The following FAM91A1 variants were observed in gnomAD, a reference collection of about 807,000 sequenced individuals.
The protein encoded by FAM91A1 is protein FAM91A1.
In FAM91A1, 41 loss-of-function variants were observed where a neutral mutation model predicts 113.5. That is an observed-to-expected ratio of 0.36 (90% confidence interval 0.28 to 0.47). FAM91A1 has a LOEUF of 0.47. Ranked by LOEUF, FAM91A1 falls within the 20% of genes least tolerant of loss-of-function variation. FAM91A1 has a pLI of 1.00. For synonymous variants in FAM91A1, 307 were observed against 347.9 expected, an observed-to-expected ratio of 0.88 and a Z score of 1.31; for missense variants, 696 against 1,001.2, an observed-to-expected ratio of 0.70 and a Z score of 4.11.
intron 11 of FAM91A1, chr8:123,786,067 C>T: frequency 2.9e-6 from 1 of 348,230 alleles, no homozygotes; most frequent in South Asian, 2.4e-5. Context: ...GATCCACCCA[C>T]CTTGGCCTTC....
chr8:123,797,485 T>C (rs573277829), intron 15 of FAM91A1, among the ~76,000 whole-genome samples: 4 of 152,264 alleles, frequency 2.6e-5, no homozygotes, highest in African/African-American at 9.6e-5. Context: ...TTCCTCTTCC[T>C]CCTCCTCTTC....
chr8:123,768,590 T>G lies in FAM91A1; in HGVS notation c.-113T>G. The G allele has an allele frequency of 2.2e-6, 2 of 916,178 alleles. No individual in the cohort carries two copies. Among genetic ancestry groups the G allele is most frequent in the Non-Finnish European group, 3.2e-6 (2 of 622,612 alleles). 56.8% of individuals were successfully genotyped at this position (916,178 alleles called of 1,614,324 possible). A position where few individuals can be genotyped will look rare whatever the true frequency, so the allele number is the denominator to read the frequency against. On this transcript the variant is annotated 5_prime_UTR_variant, in exon 1 of 24. Transcript: ENST00000334705. ...ATGGGGCAGCCTGGGCCTTCTGCAG[T>G]GTGAGGCGCGGGGCCTCCCGCGTCG... is the stretch of plus-strand genomic sequence containing the variant.
At chr8:123,807,480 CA>C (rs546080328) in intron 20 of FAM91A1, among the ~76,000 whole-genome samples, 59 of 58,942 alleles carry the variant, frequency 1.0e-3, no homozygotes, top group South Asian at 2.9e-3. Context: ...CCTGTCTCTA[CA>C]AAAAAAAAAA....
At chr8:123,787,593 T>C in intron 13 of FAM91A1, 71 bp from the exon 14 acceptor site, 1 of 1,260,980 alleles carries the variant, frequency 7.9e-7, no homozygotes, top group African/African-American at 1.5e-5. Flanking sequence ...AAGGATAATA[T>C]AAATATTTGA....
rs561425317 is a variant in FAM91A1, at chr8:123,780,658, C to T, written c.703+116C>T. 17 of 768,614 alleles carry T rather than the reference C, an allele frequency of 2.2e-5. No individual in the cohort carries two copies. In the Admixed American group the frequency reaches 4.2e-4, roughly 19 times the overall value. 47.6% of individuals were successfully genotyped at this position (768,614 alleles called of 1,614,324 possible). A position where few individuals can be genotyped will look rare whatever the true frequency, so the allele number is the denominator to read the frequency against. Reference sequence around the variant, plus strand: ...GGATATTTCAAGAAAAATATTGCTTCGTTATTACATTTTAACATAGTACAT... The same window carrying T: ...GGATATTTCAAGAAAAATATTGCTTTGTTATTACATTTTAACATAGTACAT... On this transcript the variant is annotated intron_variant, in intron 8 of 23. Coordinates refer to ENST00000334705, the MANE Select transcript of FAM91A1 (RefSeq NM_144963.4).
At chr8:123,792,462 A>AT (rs1175832815) in intron 15 of FAM91A1, among the ~76,000 whole-genome samples, 2 of 151,950 alleles carry the variant, frequency 1.3e-5, no homozygotes, top group Non-Finnish European at 2.9e-5. Flanking sequence ...TCTAAGCATG[A>AT]TTTTTTTCCC....
Position 123,785,719 on chromosome 8 carries a change from G to A in FAM91A1, c.940G>A (p.Val314Ile). 6.2e-7 allele frequency: 1 copy of A among 1,606,880 alleles called. No individual in the cohort carries two copies. Among genetic ancestry groups the A allele is most frequent in the Non-Finnish European group, 8.5e-7 (1 of 1,177,198 alleles). ...LDQLHSSWKN[V>I]PSVNRLKSTL... ...TCAACTTCATTCATCATGGAAGAAT[G>A]TTCCATCCGTAAACAGATTAAAGTA... The change falls in exon 11 of 24, where the codon GTT (valine) becomes ATT (isoleucine). Residue 314 changes from valine to isoleucine, a missense_variant. Physicochemically the swap from Val to Ile is conservative, Grantham distance 29. Transcript: ENST00000334705.
rs977145400 is a variant in FAM91A1 at position 123,784,639 on chromosome 8, A to C, written c.810+63A>C. 16 of 1,205,598 alleles carry C rather than the reference A, an allele frequency of 1.3e-5. No homozygotes were observed. The African/African-American group carries it at 2.3e-4, about 17-fold the overall frequency. 74.7% of individuals were successfully genotyped at this position (1,205,598 alleles called of 1,614,324 possible). On this transcript the variant is annotated intron_variant, in intron 9 of 23. Coordinates refer to ENST00000334705, the MANE Select transcript of FAM91A1 (RefSeq NM_144963.4). ...GATTGTAAGTTTGTGTAAAGTAAGT[A>C]AAGTTATTTAATATGGTAGTATCTT...
intron 19 of FAM91A1, among the ~76,000 whole-genome samples, chr8:123,805,615 T>C (rs2130151480): frequency 6.6e-6 from 1 of 152,314 alleles, no homozygotes; most frequent in South Asian, 2.1e-4. Context: ...GGAAGACTTT[T>C]CTCTGTTTCT....
At chr8:123,799,002 A>G (rs2130130630) in intron 16 of FAM91A1, among the ~76,000 whole-genome samples, 1 of 152,234 alleles carries the variant, frequency 6.6e-6, no homozygotes, top group East Asian at 1.9e-4. Flanking sequence ...CTTTAACACA[A>G]CCTCCAGACA....
chr8:123,779,962 T>A, intron 6 of FAM91A1, 23 bp from the exon 7 acceptor site: 1 of 1,602,268 alleles, frequency 6.2e-7, no homozygotes, highest in Non-Finnish European at 8.5e-7. Context: ...AGAACTTAAT[T>A]AAAAATATTT....
intron 15 of FAM91A1, among the ~76,000 whole-genome samples, chr8:123,791,371 T>G (rs1244171679): frequency 6.6e-6 from 1 of 152,018 alleles, no homozygotes; most frequent in Non-Finnish European, 1.5e-5. Context: ...CCCATAAACA[T>G]TTGTTGCTTA....
Position 123,814,726 on chromosome 8 carries a change from T to C in FAM91A1, c.*2022T>C, listed in dbSNP as rs1247856416. The stretch of plus-strand genomic sequence containing the variant: ...CTCTTAAGGAGGGAGAGTGCATTTT[T>C]AGAGCTTTTAGCAAAATGTGAAAAG... On this transcript the variant is annotated 3_prime_UTR_variant, in exon 24 of 24. Coordinates refer to ENST00000334705, the MANE Select transcript of FAM91A1 (RefSeq NM_144963.4). 1.3e-5 allele frequency: 2 copies of C among 152,646 alleles called. No individual in the cohort carries two copies. Among genetic ancestry groups the C allele is most frequent in the African/African-American group, 4.8e-5 (2 of 41,456 alleles). 9.5% of individuals were successfully genotyped at this position (152,646 alleles called of 1,614,324 possible).
intron 8 of FAM91A1, among the ~76,000 whole-genome samples, chr8:123,781,685 A>G (rs1815127003): frequency 6.6e-6 from 1 of 152,030 alleles, no homozygotes; most frequent in Admixed American, 6.6e-5. Context: ...GGGTTTCACC[A>G]TTTTGGCCAG....
intron 15 of FAM91A1, among the ~76,000 whole-genome samples, chr8:123,792,470 C>T (rs1195834551): frequency 6.6e-6 from 1 of 151,922 alleles, no homozygotes; most frequent in African/African-American, 2.4e-5. Flanking sequence ...TGATTTTTTT[C>T]CCCCAGGTAT....
At chr8:123,805,912 C>T (rs1028092240) in intron 19 of FAM91A1, among the ~76,000 whole-genome samples, 168 bp from the exon 20 acceptor site, 6 of 152,112 alleles carry the variant, frequency 3.9e-5, no homozygotes, top group Admixed American at 3.3e-4. Flanking sequence ...ACATTGTTAG[C>T]TTTAGTTTCA....
chr8:123,775,410 A>G (rs759264186), intron 3 of FAM91A1, 112 bp downstream of exon 3: 230 of 1,282,170 alleles, frequency 1.8e-4, no homozygotes, highest in Middle Eastern at 7.7e-4. Context: ...ACACTCTTTC[A>G]GAACTTATAG....
chr8:123,779,930 T>C (rs754423399), intron 6 of FAM91A1, 55 bp from the exon 7 acceptor site: 35 of 1,447,826 alleles, frequency 2.4e-5, no homozygotes, highest in Non-Finnish European at 3.3e-5. Flanking sequence ...TTCAGGAGAC[T>C]TGTGAATTAG....
At chr8:123,810,805 T>C (rs117257523) in intron 23 of FAM91A1, 3 of 175,048 alleles carry the variant, frequency 1.7e-5, no homozygotes, top group Non-Finnish European at 3.6e-5. Flanking sequence ...AAATAGAATA[T>C]TTCTGTTCAG....
Sources: gnomAD v4.1 joint callset for allele counts (sites outside exome capture counted in the v4.1 genomes callset) on GRCh38, gnomAD v4.1.1 for gene constraint, MANE v1.5 for transcripts, NCBI Gene and HGNC (gene_info 2026-07-23, HGNC 2026-07-21) for gene names.